Variants in STIM1 observed in about 807,000 individuals in gnomAD.
STIM1 encodes stromal interaction molecule 1.
In STIM1, 25 loss-of-function variants were observed where a neutral mutation model predicts 74.7. That is an observed-to-expected ratio of 0.33 (90% CI 0.24 to 0.47). The LOEUF (loss-of-function observed/expected upper bound fraction) is 0.47. Ranked by LOEUF, STIM1 falls within the 20% of genes least tolerant of loss-of-function variation. STIM1 has a pLI of 1.00. For synonymous variants in STIM1, 328 were observed against 348.8 expected, an observed-to-expected ratio of 0.94 and a Z score of 0.66; for missense variants, 728 against 920.8, an observed-to-expected ratio of 0.79 and a Z score of 2.71.
At chr11:4,059,021 C>G (rs888510771) in intron 4 of STIM1, 1 of 1,004,690 alleles carries the variant, frequency 1.0e-6, no homozygotes, top group African/African-American at 1.7e-5. Context: ...TGGGAATGGT[C>G]ACAGACAGGT....
At chr11:4,083,224 C>G in intron 9 of STIM1, 39 bp from the exon 10 acceptor site, 2 of 1,601,606 alleles carry the variant, frequency 1.2e-6, no homozygotes, top group South Asian at 2.2e-5. Flanking sequence ...GGGGCTCACA[C>G]CAAGTCCATG....
At chr11:3,997,483 T>C (rs894575608) in intron 2 of STIM1, among the ~76,000 whole-genome samples, 1 of 151,888 alleles carries the variant, frequency 6.6e-6, no homozygotes, top group African/African-American at 2.4e-5. Context: ...ATCGAAACCC[T>C]GTCTCTAAAA....
intron 1 of STIM1, among the ~76,000 whole-genome samples, chr11:3,903,859 C>T (rs1274253087): frequency 1.3e-5 from 2 of 152,122 alleles, no homozygotes; most frequent in Admixed American, 1.3e-4. Context: ...TAAACAAGTG[C>T]ACTCTGTACA....
At chr11:4,038,176 A>C (rs1479168070) in intron 3 of STIM1, among the ~76,000 whole-genome samples, 1 of 151,888 alleles carries the variant, frequency 6.6e-6, no homozygotes, top group African/African-American at 2.4e-5. Context: ...CTGGAATAAC[A>C]GGTGCATGCC....
At chr11:3,869,688 A>G (rs1371527168) in intron 1 of STIM1, among the ~76,000 whole-genome samples, 1 of 152,236 alleles carries the variant, frequency 6.6e-6, no homozygotes, top group Non-Finnish European at 1.5e-5. Context: ...TTGATTCCAT[A>G]GGGAATAAAT....
At chr11:3,887,828 C>T (rs1590529017) in intron 1 of STIM1, among the ~76,000 whole-genome samples, 2 of 151,850 alleles carry the variant, frequency 1.3e-5, no homozygotes, top group East Asian at 1.9e-4. Context: ...ATTAGCCGGA[C>T]GTGGTGGCAT....
At chr11:3,951,469 G>C (rs2093147417) in intron 1 of STIM1, among the ~76,000 whole-genome samples, 1 of 152,198 alleles carries the variant, frequency 6.6e-6, no homozygotes, top group South Asian at 2.1e-4. Context: ...TAACCAGCCA[G>C]CAAGAGGCCT....
intron 3 of STIM1, among the ~76,000 whole-genome samples, chr11:4,052,858 C>T (rs1314374097): frequency 6.6e-6 from 1 of 152,132 alleles, no homozygotes; most frequent in East Asian, 1.9e-4. Context: ...GGGCTAATAT[C>T]CAGAATCTAC....
In STIM1 at chr11:3,895,663, T is replaced by C. The variant is rs868558532; in HGVS notation, c.139+39254T>C. 1.6e-3 allele frequency among the ~76,000 whole-genome samples: 53 copies of C among 32,576 alleles called. 1 individual carries two copies. The highest frequency in any genetic ancestry group is 4.7e-3 in the South Asian group (3 of 638). The allele number at this position is 32,576 out of a possible 152,430, so 21.4% of individuals were successfully genotyped here. ...CTTTCTTTCTTTCTTTCTTTCTTTC[T>C]TTCTTTCTTTCCTTCCTTCCTTCTT... On this transcript the variant is annotated intron_variant, in intron 1 of 12. Coordinates refer to ENST00000526596, the MANE Select transcript of STIM1 (RefSeq NM_001382567.1).
chr11:4,011,207 G>A (rs1414184585), intron 2 of STIM1, among the ~76,000 whole-genome samples: 1 of 152,156 alleles, frequency 6.6e-6, no homozygotes, highest in African/African-American at 2.4e-5. Flanking sequence ...ATAGTATCAT[G>A]ATTTATAATC....
At chr11:3,930,911 C>G (rs1238806507) in intron 1 of STIM1, among the ~76,000 whole-genome samples, 1 of 152,188 alleles carries the variant, frequency 6.6e-6, no homozygotes, top group Non-Finnish European at 1.5e-5. Flanking sequence ...TTCAATCATT[C>G]TTTTAACATA....
chr11:3,991,566 T>C (rs924286119), intron 2 of STIM1, among the ~76,000 whole-genome samples: 9 of 152,158 alleles, frequency 5.9e-5, no homozygotes, highest in East Asian at 1.9e-4. Flanking sequence ...GTCTTTTTAG[T>C]AGAATAATTT....
chr11:3,972,831 C>A (rs771120234), intron 2 of STIM1: 14 of 474,544 alleles, frequency 3.0e-5, no homozygotes, highest in Non-Finnish European at 4.6e-5. Context: ...TAGCTACTGA[C>A]TGGAACCACC....
intron 8 of STIM1, 42 bp from the exon 9 acceptor site, chr11:4,082,840 C>G (rs202045780): frequency 4.1e-5 from 64 of 1,561,540 alleles, no homozygotes; most frequent in Middle Eastern, 3.3e-4. Context: ...ATTCCATTCT[C>G]GAATCCCTGC....
Position 4,091,356 on chromosome 11 carries a change from AGAT to A in STIM1, c.1712_1714del (p.Met571del). The A allele has an allele frequency of 6.2e-7, 1 of 1,614,214 alleles. No homozygotes were observed. Among genetic ancestry groups the A allele is most frequent in the African/African-American group, 1.3e-5 (1 of 75,052 alleles). On this transcript the variant is annotated inframe_deletion, in exon 13 of 13. Coordinates refer to ENST00000526596, the MANE Select transcript of STIM1 (RefSeq NM_001382567.1). ...CAGCGTGTGGCCCCCAAACCTCCTC[AGAT>A]GAGCCGTGCTGCAGACGAGGCTCTC... is the stretch of plus-strand genomic sequence containing the variant.
chr11:4,046,705 A>G (rs918048862), intron 3 of STIM1, among the ~76,000 whole-genome samples: 1 of 152,198 alleles, frequency 6.6e-6, no homozygotes, highest in Non-Finnish European at 1.5e-5. Flanking sequence ...GCTGGAGTGC[A>G]ATGGTGCAGT....
intron 1 of STIM1, among the ~76,000 whole-genome samples, chr11:3,874,956 C>T (rs78667077): frequency 1.4e-5 from 2 of 144,274 alleles, no homozygotes; most frequent in African/African-American, 2.5e-5. Flanking sequence ...GAGTTTGTAT[C>T]TTTTTTTTTT....
chr11:4,062,281 G>GT (rs1364762763), intron 5 of STIM1, among the ~76,000 whole-genome samples: 1 of 152,190 alleles, frequency 6.6e-6, no homozygotes, highest in Non-Finnish European at 1.5e-5. Context: ...AGTGGAGAAA[G>GT]TATTGGCAAA....
chr11:4,057,286 C>T (rs1366528159), intron 4 of STIM1, among the ~76,000 whole-genome samples: 2 of 152,210 alleles, frequency 1.3e-5, no homozygotes, highest in East Asian at 3.8e-4. Context: ...AGTCAGTTCT[C>T]AGGTCACTGG....
Sources: gnomAD v4.1 joint callset for allele counts (sites outside exome capture counted in the v4.1 genomes callset) on GRCh38, gnomAD v4.1.1 for gene constraint, MANE v1.5 for transcripts, NCBI Gene and HGNC (gene_info 2026-07-23, HGNC 2026-07-21) for gene names.